The following ST6GALNAC5 variants were observed in gnomAD, a reference collection of about 807,000 sequenced individuals.
ST6GALNAC5 encodes the protein ST6 N-acetylgalactosaminide alpha-2,6-sialyltransferase 5.
Under a neutral mutation model 33.6 loss-of-function variants are expected in ST6GALNAC5, and 27 were observed. The observed-to-expected ratio is 0.80, with a 90% CI of 0.59 to 1.11. The LOEUF is 1.11. Among genes scored for constraint, ST6GALNAC5 ranks in the 50% least tolerant of loss-of-function variants. The pLI, the probability that ST6GALNAC5 is intolerant of heterozygous loss-of-function variation, is 0.00. For missense variants in ST6GALNAC5, 428 were observed against 454.0 expected (o/e 0.94, Z 0.52); for synonymous variants, 194 against 171.2 (o/e 1.13, Z -1.04).
chr1:76,928,442 G>A (rs999043024), intron 2 of ST6GALNAC5, among the ~76,000 whole-genome samples: 4 of 152,104 alleles, frequency 2.6e-5, no homozygotes, highest in East Asian at 1.9e-4. Flanking sequence ...CTTAATATAC[G>A]TAATTCAGTA....
At chr1:76,948,192 C>T (rs1190468409) in intron 2 of ST6GALNAC5, among the ~76,000 whole-genome samples, 1 of 152,110 alleles carries the variant, frequency 6.6e-6, no homozygotes, top group Non-Finnish European at 1.5e-5. Context: ...TTAGAAGTGC[C>T]TTGTGAAACC....
At chr1:76,888,841 T>C (rs913364115) in intron 2 of ST6GALNAC5, among the ~76,000 whole-genome samples, 1 of 152,194 alleles carries the variant, frequency 6.6e-6, no homozygotes, top group Non-Finnish European at 1.5e-5. Flanking sequence ...TTTTGGTATA[T>C]GCATACATTA....
chr1:77,045,996 C>T (rs1169730406), intron 3 of ST6GALNAC5, among the ~76,000 whole-genome samples: 2 of 152,200 alleles, frequency 1.3e-5, no homozygotes, highest in African/African-American at 4.8e-5. Context: ...CTACTAATCG[C>T]TGGATGGACT....
intron 2 of ST6GALNAC5, among the ~76,000 whole-genome samples, chr1:76,949,427 G>A (rs1301153793): frequency 6.6e-6 from 1 of 152,128 alleles, no homozygotes; most frequent in Non-Finnish European, 1.5e-5. Context: ...GCTGGCGTGA[G>A]GAGTGGAAGC....
At chr1:76,912,292 G>T (rs1447834767) in intron 2 of ST6GALNAC5, among the ~76,000 whole-genome samples, 1 of 152,158 alleles carries the variant, frequency 6.6e-6, no homozygotes, top group Non-Finnish European at 1.5e-5. Flanking sequence ...CTGAGAGACA[G>T]TTTGTTATAA....
At chr1:77,005,755 T>A (rs994707214) in intron 2 of ST6GALNAC5, among the ~76,000 whole-genome samples, 3 of 152,220 alleles carry the variant, frequency 2.0e-5, no homozygotes, top group Non-Finnish European at 1.5e-5. Context: ...TTTCTGTCTC[T>A]GTGAGTTTAA....
intron 2 of ST6GALNAC5, among the ~76,000 whole-genome samples, chr1:77,034,345 T>C (rs2100451643): frequency 6.6e-6 from 1 of 152,224 alleles, no homozygotes; most frequent in African/African-American, 2.4e-5. Context: ...TCTCTTCTTA[T>C]AACTTCACCG....
Position 77,063,317 on chromosome 1 carries a change from T to C in ST6GALNAC5, c.*111T>C. ...GGGTAGCAGAAAACAGCTTCACTCCTCAGGAAGTACCATGGACAGACGCCT... is the reference window on the plus strand; with the variant it reads ...GGGTAGCAGAAAACAGCTTCACTCCCCAGGAAGTACCATGGACAGACGCCT... On this transcript the variant is annotated 3_prime_UTR_variant, in exon 5 of 5. Transcript: ENST00000477717. The C allele has an allele frequency of 1.1e-6, 1 of 936,826 alleles. No homozygotes were observed. Among genetic ancestry groups the C allele is most frequent in the Non-Finnish European group, 1.6e-6 (1 of 612,424 alleles). The allele number at this position is 936,826 out of a possible 1,614,324, so 58.0% of individuals were successfully genotyped here.
At chr1:77,018,708 A>G (rs12066428) in intron 2 of ST6GALNAC5, among the ~76,000 whole-genome samples, 5,042 of 152,308 alleles carry the variant, frequency 0.033, 201 homozygotes, top group African/African-American at 0.095. Flanking sequence ...CCGACCTGTC[A>G]TTGAGAAGAA....
At chr1:77,061,673 A>G (rs1652579224) in intron 4 of ST6GALNAC5, among the ~76,000 whole-genome samples, 1 of 152,178 alleles carries the variant, frequency 6.6e-6, no homozygotes, top group South Asian at 2.1e-4. Flanking sequence ...CTTACCATTC[A>G]TTCTTCAAAA....
intron 2 of ST6GALNAC5, among the ~76,000 whole-genome samples, chr1:76,972,290 C>T (rs1055132951): frequency 1.3e-5 from 2 of 152,114 alleles, no homozygotes; most frequent in African/African-American, 2.4e-5. Flanking sequence ...ATGGGAAAGA[C>T]CTCACCCTGT....
At chr1:76,887,803 T>C (rs1653930179) in intron 2 of ST6GALNAC5, among the ~76,000 whole-genome samples, 1 of 152,232 alleles carries the variant, frequency 6.6e-6, no homozygotes, top group Admixed American at 6.5e-5. Context: ...CTTTCATTAT[T>C]TCTAGTTTTT....
At chr1:76,977,243 T>C (rs1029372929) in intron 2 of ST6GALNAC5, among the ~76,000 whole-genome samples, 3 of 152,198 alleles carry the variant, frequency 2.0e-5, no homozygotes, top group Admixed American at 1.3e-4. Flanking sequence ...TTAATGATTG[T>C]ATACCTTGTA....
intron 2 of ST6GALNAC5, among the ~76,000 whole-genome samples, chr1:76,958,657 A>G (rs1342452473): frequency 6.6e-6 from 1 of 151,986 alleles, no homozygotes; most frequent in Non-Finnish European, 1.5e-5. Context: ...GTGTGATGGG[A>G]TGGGGGTGGT....
chr1:76,942,605 G>A lies in ST6GALNAC5; in HGVS notation c.261+73863G>A, dbSNP rs77782912. Among the ~76,000 whole-genome samples, 367 of 152,220 alleles carry A rather than the reference G, an allele frequency of 2.4e-3. 1 individual carries two copies. The highest frequency in any genetic ancestry group is 3.6e-3 in the Non-Finnish European group (248 of 67,996). On this transcript the variant is annotated intron_variant, in intron 2 of 4. Transcript: ENST00000477717. ...CCCTTCTGGAGCTCTAAGCACAGCA[G>A]CACATCTTCTAGATCTTGGCTGACT...
intron 2 of ST6GALNAC5, among the ~76,000 whole-genome samples, chr1:76,892,212 G>C (rs1654028423): frequency 6.6e-6 from 1 of 152,210 alleles, no homozygotes; most frequent in Non-Finnish European, 1.5e-5. Flanking sequence ...GTACTCTCGT[G>C]AGAGTGTTAC....
intron 2 of ST6GALNAC5, among the ~76,000 whole-genome samples, chr1:76,967,563 T>A (rs1002460196): frequency 1.3e-5 from 2 of 152,128 alleles, no homozygotes; most frequent in African/African-American, 4.8e-5. Flanking sequence ...TTTTGAAGGG[T>A]TTTTTGTGTC....
chr1:76,911,660 G>A (rs1179389421), intron 2 of ST6GALNAC5, among the ~76,000 whole-genome samples: 2 of 152,064 alleles, frequency 1.3e-5, no homozygotes, highest in African/African-American at 2.4e-5. Flanking sequence ...CTTCTTCCTG[G>A]TTTAGTCTTG....
intron 2 of ST6GALNAC5, among the ~76,000 whole-genome samples, chr1:76,963,537 C>G (rs1648333043): frequency 6.6e-6 from 1 of 152,196 alleles, no homozygotes; most frequent in Non-Finnish European, 1.5e-5. Flanking sequence ...GTGTCCAAAT[C>G]ACAAGCCTGG....
Sources: allele counts gnomAD v4.1 joint callset (sites outside exome capture counted in the v4.1 genomes callset), GRCh38; gene constraint gnomAD v4.1.1; transcripts MANE v1.5; gene names NCBI Gene and HGNC (gene_info 2026-07-23, HGNC 2026-07-21).